The following ENAH variants were observed in gnomAD, a reference collection of about 807,000 sequenced individuals.
ENAH encodes the protein ENAH actin regulator.
In ENAH, 23 loss-of-function variants were observed where a neutral mutation model predicts 78.7. That is an observed-to-expected ratio of 0.29 (90% confidence interval 0.21 to 0.41). The LOEUF (loss-of-function observed/expected upper bound fraction) is 0.41, where lower values mean the gene tolerates loss of function less well. Ranked by LOEUF, ENAH falls within the 10% of genes least tolerant of loss-of-function variation. The pLI is 1.00. For synonymous variants in ENAH, 226 were observed against 241.0 expected, an observed-to-expected ratio of 0.94 and a Z score of 0.58; for missense variants, 544 against 691.0, an observed-to-expected ratio of 0.79 and a Z score of 2.39.
intron 1 of ENAH, among the ~76,000 whole-genome samples, chr1:225,616,165 T>C (rs2097030482): frequency 6.6e-6 from 1 of 151,906 alleles, no homozygotes; most frequent in Non-Finnish European, 1.5e-5. Flanking sequence ...CTCCCTAATC[T>C]CAAGTACCCA....
chr1:225,630,062 G>C (rs1004775695), intron 1 of ENAH, among the ~76,000 whole-genome samples: 3 of 152,102 alleles, frequency 2.0e-5, no homozygotes, highest in African/African-American at 7.2e-5. Context: ...ACCATAATAT[G>C]TATAATTTCA....
At chr1:225,514,473 T>C (rs899000363) in intron 7 of ENAH, 123 bp downstream of exon 7, 8 of 904,308 alleles carry the variant, frequency 8.8e-6, no homozygotes, top group African/African-American at 1.7e-5. Flanking sequence ...GGGTAAATTA[T>C]TTCAATTTTT....
intron 1 of ENAH, among the ~76,000 whole-genome samples, chr1:225,575,067 C>T (rs1443869689): frequency 6.6e-6 from 1 of 152,138 alleles, no homozygotes; most frequent in Non-Finnish European, 1.5e-5. Flanking sequence ...ATAGCACCAA[C>T]ACCACCACTC....
intron 4 of ENAH, among the ~76,000 whole-genome samples, chr1:225,526,978 G>C (rs1173916459): frequency 1.3e-5 from 2 of 152,166 alleles, no homozygotes; most frequent in African/African-American, 4.8e-5. Context: ...GCAAGGACGA[G>C]TGTCAACATC....
chr1:225,594,188 T>C (rs1471340570), intron 1 of ENAH, among the ~76,000 whole-genome samples: 1 of 152,202 alleles, frequency 6.6e-6, no homozygotes, highest in Non-Finnish European at 1.5e-5. Flanking sequence ...CTTAAATGGA[T>C]GTGAAAGTGA....
intron 1 of ENAH, among the ~76,000 whole-genome samples, chr1:225,613,653 A>G (rs889591742): frequency 2.0e-5 from 3 of 151,708 alleles, no homozygotes; most frequent in Admixed American, 1.3e-4. Context: ...TGGTTCAGCC[A>G]TAACAACAAA....
At chr1:225,621,002 CA>C (rs199884274) in intron 1 of ENAH, among the ~76,000 whole-genome samples, 2 of 149,066 alleles carry the variant, frequency 1.3e-5, no homozygotes, top group African/African-American at 2.5e-5. Context: ...TAGACTCCAT[CA>C]AAAAAAAAGA....
In ENAH at chr1:225,487,938, G is replaced by A. The variant is rs2096206738; in HGVS notation, c.*9837C>T. ...TACTTTTGGTCTATCAACTTGGTAG[G>A]CCTGAAAAAAAAAAGTATTTAACCT... On this transcript the variant is annotated 3_prime_UTR_variant, in exon 14 of 14. Transcript: ENST00000366843. 2 of 151,414 alleles carry A rather than the reference G, an allele frequency of 1.3e-5. No individual in the cohort carries two copies. The highest frequency in any genetic ancestry group is 2.9e-5 in the Non-Finnish European group (2 of 67,884). The allele number at this position is 151,414 out of a possible 1,614,324, so 9.4% of individuals were successfully genotyped here.
intron 1 of ENAH, among the ~76,000 whole-genome samples, chr1:225,627,912 A>G (rs1394883423): frequency 7.2e-6 from 1 of 139,464 alleles, no homozygotes; most frequent in African/African-American, 2.5e-5. Context: ...CCAACTTATA[A>G]ACATACACTG....
chr1:225,487,159 A>G lies in ENAH; in HGVS notation c.*10616T>C, dbSNP rs140030969. 138 of 152,384 alleles carry G rather than the reference A, an allele frequency of 9.1e-4. 1 individual carries two copies. The highest frequency in any genetic ancestry group is 3.3e-3 in the African/African-American group (138 of 41,584). 9.4% of individuals were successfully genotyped at this position (152,384 alleles called of 1,614,324 possible). The stretch of plus-strand genomic sequence containing the variant: ...TTATGGTTACATGAAATTGCATGCA[A>G]TTCACACAGAGAATCATTTTGAAGG... On this transcript the variant is annotated 3_prime_UTR_variant, in exon 14 of 14. Transcript: ENST00000366843.
intron 1 of ENAH, among the ~76,000 whole-genome samples, chr1:225,582,079 C>T (rs1221197224): frequency 1.3e-5 from 2 of 152,142 alleles, no homozygotes; most frequent in South Asian, 2.1e-4. Context: ...TAATGAGGGT[C>T]GTCCTTTCTG....
chr1:225,526,944 C>G (rs1011302821), intron 4 of ENAH, among the ~76,000 whole-genome samples: 4 of 152,112 alleles, frequency 2.6e-5, no homozygotes, highest in African/African-American at 9.7e-5. Context: ...TGATCAGAGG[C>G]CCTTAAGTAA....
At chr1:225,590,130 CAG>C (rs2096868258) in intron 1 of ENAH, among the ~76,000 whole-genome samples, 3 of 141,712 alleles carry the variant, frequency 2.1e-5, no homozygotes, top group Admixed American at 7.0e-5. Context: ...CACACACACA[CAG>C]CACCAAGGTT....
chr1:225,602,725 T>C (rs1445493278), intron 1 of ENAH, among the ~76,000 whole-genome samples: 2 of 152,100 alleles, frequency 1.3e-5, no homozygotes, highest in Non-Finnish European at 2.9e-5. Flanking sequence ...AGTGCCAGAC[T>C]GGCCAACACT....
chr1:225,530,788 C>G, intron 3 of ENAH, 150 bp from the exon 4 acceptor site: 1 of 613,570 alleles, frequency 1.6e-6, no homozygotes. Flanking sequence ...CTTTACATAA[C>G]ACAGAGCAAA....
In ENAH at chr1:225,493,045, G is replaced by A. The variant is rs1203325047; in HGVS notation, c.*4730C>T. On this transcript the variant is annotated 3_prime_UTR_variant, in exon 14 of 14. Coordinates refer to ENST00000366843, the MANE Select transcript of ENAH (RefSeq NM_018212.6). ...TTATTTATGTTGATGGTGAGTATCTGTAACCATCCTAAATTTACTGCATTA... is the reference window on the plus strand; with the variant it reads ...TTATTTATGTTGATGGTGAGTATCTATAACCATCCTAAATTTACTGCATTA... 3 of 152,078 alleles carry A rather than the reference G, an allele frequency of 2.0e-5. No individual in the cohort carries two copies. The highest frequency in any genetic ancestry group is 2.9e-5 in the Non-Finnish European group (2 of 68,024). 9.4% of individuals were successfully genotyped at this position (152,078 alleles called of 1,614,324 possible). A position where few individuals can be genotyped will look rare whatever the true frequency, so the allele number is the denominator to read the frequency against.
intron 1 of ENAH, among the ~76,000 whole-genome samples, chr1:225,606,970 A>C (rs1272477534): frequency 6.6e-6 from 1 of 152,126 alleles, no homozygotes; most frequent in Non-Finnish European, 1.5e-5. Context: ...TGCAGCTGAG[A>C]GTGCCAGGCA....
intron 1 of ENAH, among the ~76,000 whole-genome samples, chr1:225,597,101 C>A (rs1038993614): frequency 6.6e-6 from 1 of 152,144 alleles, no homozygotes. Context: ...GAACATCAAT[C>A]CTACATGTAG....
intron 2 of ENAH, among the ~76,000 whole-genome samples, chr1:225,555,498 C>A (rs566301631): frequency 6.6e-6 from 1 of 151,476 alleles, no homozygotes; most frequent in South Asian, 2.1e-4. Context: ...AAGAAAATGG[C>A]GTGAATCCAG....
Sources: allele counts gnomAD v4.1 joint callset (sites outside exome capture counted in the v4.1 genomes callset), GRCh38; gene constraint gnomAD v4.1.1; transcripts MANE v1.5; gene names NCBI Gene and HGNC (gene_info 2026-07-23, HGNC 2026-07-21).